The following ENTREP2 variants were observed in gnomAD, a reference collection of about 807,000 sequenced individuals.
ENTREP2 encodes endosomal transmembrane epsin interactor 2.
chr15:29,498,896 A>T, the ENTREP2 span, among the ~76,000 whole-genome samples: 3 of 152,168 alleles, frequency 2.0e-5, no homozygotes, highest in Non-Finnish European at 4.4e-5. Flanking sequence ...TTTTCATTAC[A>T]TAATGACCTT....
the ENTREP2 span, among the ~76,000 whole-genome samples, chr15:29,531,102 C>T: frequency 6.6e-6 from 1 of 152,224 alleles, no homozygotes; most frequent in Non-Finnish European, 1.5e-5. Flanking sequence ...TGTTCTCAGC[C>T]TCAGGTAGGC....
At chr15:29,435,167 C>T in the ENTREP2 span, among the ~76,000 whole-genome samples, 1 of 152,102 alleles carries the variant, frequency 6.6e-6, no homozygotes, top group Non-Finnish European at 1.5e-5. Context: ...TGACTTTTCC[C>T]TCCCATTTTC....
At chr15:29,369,108 G>A in the ENTREP2 span, among the ~76,000 whole-genome samples, 1 of 152,024 alleles carries the variant, frequency 6.6e-6, no homozygotes, top group African/African-American at 2.4e-5. Context: ...GTACCAAAGT[G>A]CATGCAATGG....
chr15:29,196,589 C>A, the ENTREP2 span: 18 of 1,538,064 alleles, frequency 1.2e-5, no homozygotes, highest in Non-Finnish European at 1.6e-5. Flanking sequence ...ACAGACAGAC[C>A]TCACCGTTAA....
At chr15:29,570,602 G>A in the ENTREP2 span, 2 of 1,460,968 alleles carry the variant, frequency 1.4e-6, no homozygotes. Flanking sequence ...GCATCCGAGC[G>A]CCATCTGCGT....
the ENTREP2 span, among the ~76,000 whole-genome samples, chr15:29,235,365 T>C: frequency 1.3e-5 from 2 of 152,250 alleles, no homozygotes; most frequent in African/African-American, 4.8e-5. Context: ...CGTGGTTGCC[T>C]TCTATTGTCT....
At chr15:29,636,952 T>C in the ENTREP2 span, among the ~76,000 whole-genome samples, 1 of 152,220 alleles carries the variant, frequency 6.6e-6, no homozygotes, top group East Asian at 1.9e-4. Flanking sequence ...TGATCAACTA[T>C]ATATACTTGA....
At chr15:29,674,862 T>A in the ENTREP2 span, 1 of 152,556 alleles carries the variant, frequency 6.6e-6, no homozygotes, top group African/African-American at 2.4e-5. Flanking sequence ...GCCCCGCACC[T>A]GTGGCGCCCC....
At chr15:29,636,931 T>A in the ENTREP2 span, among the ~76,000 whole-genome samples, 75 of 152,228 alleles carry the variant, frequency 4.9e-4, no homozygotes, top group Admixed American at 1.1e-3. Context: ...TTCTATAATG[T>A]CATTATTTTA....
At chr15:29,449,523 A>G in the ENTREP2 span, among the ~76,000 whole-genome samples, 1 of 152,222 alleles carries the variant, frequency 6.6e-6, no homozygotes, top group Admixed American at 6.5e-5. Context: ...ATCACCCTTT[A>G]TGTCCTTTAT....
the ENTREP2 span, among the ~76,000 whole-genome samples, chr15:29,156,847 G>A: frequency 6.6e-6 from 1 of 152,102 alleles, no homozygotes; most frequent in African/African-American, 2.4e-5. Flanking sequence ...CAGGCCAGGC[G>A]CAGTGGCTCA....
chr15:29,650,744 C>T, the ENTREP2 span, among the ~76,000 whole-genome samples: 1 of 152,096 alleles, frequency 6.6e-6, no homozygotes, highest in African/African-American at 2.4e-5. Flanking sequence ...ATTTTTCTTT[C>T]TTATTGCTTC....
the ENTREP2 span, among the ~76,000 whole-genome samples, chr15:29,504,487 T>G: frequency 1.3e-5 from 2 of 152,190 alleles, no homozygotes; most frequent in Non-Finnish European, 2.9e-5. Flanking sequence ...AAATTCCTCT[T>G]TGTTTACAGA....
the ENTREP2 span, among the ~76,000 whole-genome samples, chr15:29,669,820 G>T: frequency 6.6e-6 from 1 of 152,198 alleles, no homozygotes; most frequent in South Asian, 2.1e-4. Flanking sequence ...TCATTTCAAT[G>T]ATCCATGTCA....
chr15:29,177,262 G>A, the ENTREP2 span, among the ~76,000 whole-genome samples: 1 of 152,136 alleles, frequency 6.6e-6, no homozygotes, highest in Admixed American at 6.5e-5. Context: ...ACATGTGATG[G>A]CTGGCAAAAA....
At chr15:29,179,902 C>T in the ENTREP2 span, among the ~76,000 whole-genome samples, 1 of 152,008 alleles carries the variant, frequency 6.6e-6, no homozygotes, top group Non-Finnish European at 1.5e-5. Flanking sequence ...GAGTCTTAAA[C>T]TTGGGAGTGG....
At chr15:29,406,422 C>T in the ENTREP2 span, among the ~76,000 whole-genome samples, 44 of 151,980 alleles carry the variant, frequency 2.9e-4, no homozygotes, top group Non-Finnish European at 4.6e-4. Context: ...ATAGCAGGTG[C>T]CTGTAATCTC....
At chr15:29,419,839 C>T in the ENTREP2 span, among the ~76,000 whole-genome samples, 1 of 151,868 alleles carries the variant, frequency 6.6e-6, no homozygotes, top group Non-Finnish European at 1.5e-5. Flanking sequence ...AAATATCCTT[C>T]AAAAAAGGAA....
the ENTREP2 span, chr15:29,123,091 G>GA: frequency 2.1e-6 from 1 of 485,230 alleles, no homozygotes. Context: ...CTGTGGACGT[G>GA]AAAGTCATCT....
Sources: allele counts gnomAD v4.1 joint callset (sites outside exome capture counted in the v4.1 genomes callset), GRCh38; gene constraint gnomAD v4.1.1; transcripts MANE v1.5; gene names NCBI Gene and HGNC (gene_info 2026-07-23, HGNC 2026-07-21).